The following KIF13B variants were observed in gnomAD, a reference collection of about 807,000 sequenced individuals.
KIF13B encodes the protein kinesin-like protein KIF13B.
A neutral mutation model predicts 222.0 loss-of-function variants in KIF13B; 127 were observed. That is an observed-to-expected ratio of 0.57 (90% CI 0.50 to 0.66). The LOEUF (loss-of-function observed/expected upper bound fraction) is 0.66. KIF13B is among the 30% of genes least tolerant of loss of function. The probability of loss-of-function intolerance (pLI) is 0.00; values close to 1 mark genes in which losing one functional copy is unlikely to be tolerated. For missense variants in KIF13B, 2,173 were observed against 2,379.0 expected (o/e 0.91, Z 1.80); for synonymous variants, 976 against 919.0 (o/e 1.06, Z -1.12).
chr8:29,076,784 G>A (rs75944465), intron 37 of KIF13B, among the ~76,000 whole-genome samples: 2,072 of 152,304 alleles, frequency 0.014, 33 homozygotes, highest in African/African-American at 0.034. Flanking sequence ...GAGAGGACTC[G>A]AGAGGAAACG....
intron 35 of KIF13B, 53 bp downstream of exon 35, chr8:29,108,086 G>A: frequency 2.1e-6 from 3 of 1,462,052 alleles, no homozygotes; most frequent in Non-Finnish European, 2.8e-6. Flanking sequence ...GAAGATGAAA[G>A]CTGAATGGGA....
chr8:29,252,101 A>G (rs1170843789), intron 1 of KIF13B, among the ~76,000 whole-genome samples: 1 of 152,188 alleles, frequency 6.6e-6, no homozygotes, highest in Admixed American at 6.5e-5. Flanking sequence ...GAAGAAATTA[A>G]TTTATTCCAC....
At chr8:29,243,900 G>C (rs940004161) in intron 2 of KIF13B, among the ~76,000 whole-genome samples, 7 of 152,154 alleles carry the variant, frequency 4.6e-5, no homozygotes, top group Middle Eastern at 3.2e-3. Context: ...TTTGATCTTT[G>C]TGGGAAAAAA....
At position 29,215,472 on chromosome 8, in the gene KIF13B, G is replaced by C. The variant is rs148742165; in HGVS notation, c.150-19273C>G. ...GGAGGCTGAGGAGGGAGGATCGCTT[G>C]AGCTCAAGAATTCAAGGACCAGCTT... is the stretch of plus-strand genomic sequence containing the variant. On this transcript the variant is annotated intron_variant, in intron 2 of 39. Coordinates refer to ENST00000524189, the MANE Select transcript of KIF13B (RefSeq NM_015254.4). Among the ~76,000 whole-genome samples, 528 of 152,248 alleles carry C rather than the reference G, an allele frequency of 3.5e-3. 6 individuals carry two copies. Among genetic ancestry groups the C allele is most frequent in the African/African-American group, 0.012 (504 of 41,542 alleles).
At chr8:29,157,403 A>AG in intron 13 of KIF13B, among the ~76,000 whole-genome samples, 1 of 150,934 alleles carries the variant, frequency 6.6e-6, no homozygotes, top group South Asian at 2.1e-4. Context: ...AAAAAAAAAA[A>AG]AAAAAAAAAA....
At chr8:29,263,204 G>C (rs1427482144), upstream of KIF13B, 3 of 584,988 alleles carry the variant, frequency 5.1e-6, no homozygotes, top group Non-Finnish European at 8.6e-6. Flanking sequence ...GGGACTTGTA[G>C]TTCCCCAGGG....
At chr8:29,093,481 T>G (rs1002254295) in intron 36 of KIF13B, among the ~76,000 whole-genome samples, 1 of 152,208 alleles carries the variant, frequency 6.6e-6, no homozygotes, top group Non-Finnish European at 1.5e-5. Flanking sequence ...TATGATATAC[T>G]AAGACTTCTT....
At chr8:29,221,555 C>T (rs189438749) in intron 2 of KIF13B, among the ~76,000 whole-genome samples, 136 of 151,692 alleles carry the variant, frequency 9.0e-4, no homozygotes, top group African/African-American at 3.2e-3. Context: ...AAAAGGATTG[C>T]ACATATGAAC....
At chr8:29,220,551 T>TA (rs1814696266) in intron 2 of KIF13B, among the ~76,000 whole-genome samples, 3 of 138,920 alleles carry the variant, frequency 2.2e-5, no homozygotes, top group African/African-American at 8.8e-5. Flanking sequence ...ATTTCTTTAT[T>TA]TAAAAAAAAA....
At chr8:29,105,489 C>T (rs1476609992) in intron 35 of KIF13B, among the ~76,000 whole-genome samples, 1 of 152,146 alleles carries the variant, frequency 6.6e-6, no homozygotes, top group Non-Finnish European at 1.5e-5. Flanking sequence ...GTGGGGGGTC[C>T]ATGCCCTCTG....
rs552080022 is a variant in KIF13B, at chr8:29,069,812, C to G, written c.*692G>C. The G allele has an allele frequency of 6.6e-6, 1 of 152,356 alleles. No homozygotes were observed. Among genetic ancestry groups the G allele is most frequent in the South Asian group, 2.1e-4 (1 of 4,826 alleles). The allele number at this position is 152,356 out of a possible 1,614,324, so 9.4% of individuals were successfully genotyped here. A position where few individuals can be genotyped will look rare whatever the true frequency, so the allele number is the denominator to read the frequency against. On this transcript the variant is annotated 3_prime_UTR_variant, in exon 40 of 40. Coordinates refer to ENST00000524189, the MANE Select transcript of KIF13B (RefSeq NM_015254.4). The stretch of plus-strand genomic sequence containing the variant: ...ATAAACGGCAAACATAAGAGACTTT[C>G]CAGGTGTCTAAAGATGCCAAAACAT...
intron 14 of KIF13B, 51 bp from the exon 15 acceptor site, chr8:29,150,434 C>T: frequency 1.1e-6 from 1 of 872,604 alleles, no homozygotes; most frequent in East Asian, 2.6e-5. Flanking sequence ...ATCATGTCTT[C>T]TGCTTTAATT....
At chr8:29,108,333 C>T (rs1017585934) in intron 34 of KIF13B, 141 bp from the exon 35 acceptor site, 14 of 676,436 alleles carry the variant, frequency 2.1e-5, no homozygotes, top group Admixed American at 5.2e-5. Context: ...GAAGGCTGCA[C>T]ACTAGTGGTC....
chr8:29,128,501 TC>T (rs1037897047), intron 24 of KIF13B, among the ~76,000 whole-genome samples: 53 of 152,326 alleles, frequency 3.5e-4, no homozygotes, highest in African/African-American at 1.3e-3. Context: ...GGACTAAGCC[TC>T]AGATATTTTG....
chr8:29,216,592 C>T (rs1003359791), intron 2 of KIF13B, among the ~76,000 whole-genome samples: 4 of 151,102 alleles, frequency 2.6e-5, no homozygotes, highest in Non-Finnish European at 5.9e-5. Flanking sequence ...AAGTGAGACT[C>T]TGTCTCAAAA....
intron 37 of KIF13B, among the ~76,000 whole-genome samples, chr8:29,083,944 G>A (rs1352369234): frequency 1.3e-5 from 2 of 152,096 alleles, no homozygotes; most frequent in Admixed American, 1.3e-4. Context: ...AGACGGAGTT[G>A]CGCTCTGTCA....
In KIF13B at chr8:29,172,082, C is replaced by CTT. The variant is rs35655869; in HGVS notation, c.945+3984_945+3985dup. Among the ~76,000 whole-genome samples the CTT allele has an allele frequency of 2.4e-3, 276 of 113,260 alleles. 3 individuals carry two copies. The highest frequency in any genetic ancestry group is 9.4e-3 in the South Asian group (31 of 3,298). The allele number at this position is 113,260 out of a possible 152,430, so 74.3% of individuals were successfully genotyped here. On this transcript the variant is annotated intron_variant, in intron 10 of 39. Transcript: ENST00000524189. ...AGCCAGATCACATATATTTTCTTTT[C>CTT]TTTTTTTTTTTTTTTTGAGATGGAG...
chr8:29,155,075 TA>T (rs888221744), intron 14 of KIF13B, among the ~76,000 whole-genome samples: 1 of 152,080 alleles, frequency 6.6e-6, no homozygotes, highest in African/African-American at 2.4e-5. Flanking sequence ...GTGCCATTCA[TA>T]AAATTTGGAG....
intron 8 of KIF13B, among the ~76,000 whole-genome samples, chr8:29,179,075 T>C (rs1056102669): frequency 3.9e-5 from 6 of 152,150 alleles, no homozygotes; most frequent in Admixed American, 1.3e-4. Context: ...TTCCTTCTAA[T>C]AGTGTTTCAC....
Sources: allele counts gnomAD v4.1 joint callset (sites outside exome capture counted in the v4.1 genomes callset), GRCh38; gene constraint gnomAD v4.1.1; transcripts MANE v1.5; gene names NCBI Gene and HGNC (gene_info 2026-07-23, HGNC 2026-07-21).